Variants in NEK7 observed in about 807,000 individuals in gnomAD.
The protein encoded by NEK7 is NIMA related kinase 7, also known as serine/threonine-protein kinase Nek7.
Under a neutral mutation model 44.6 loss-of-function variants are expected in NEK7, and 18 were observed. That is an observed-to-expected ratio of 0.40 (90% confidence interval 0.28 to 0.60). NEK7 has a LOEUF of 0.60. Ranked by LOEUF, NEK7 falls within the 20% of genes least tolerant of loss-of-function variation. The pLI is 0.38. For synonymous variants in NEK7, 130 were observed against 121.1 expected (o/e 1.07, Z -0.48); for missense variants, 256 against 366.5 (o/e 0.70, Z 2.46).
intron 1 of NEK7, among the ~76,000 whole-genome samples, chr1:198,172,154 G>A (rs1336045677): frequency 6.6e-6 from 1 of 152,144 alleles, no homozygotes; most frequent in Non-Finnish European, 1.5e-5. Flanking sequence ...AAGATAAAGA[G>A]ACAGGAGTCT....
rs1487355247 is a variant in NEK7, at chr1:198,320,650, C to T, written c.*1128C>T. The T allele has an allele frequency of 6.6e-6, 1 of 151,904 alleles. No homozygotes were observed. Among genetic ancestry groups the T allele is most frequent in the Non-Finnish European group, 1.5e-5 (1 of 67,964 alleles). The allele number at this position is 151,904 out of a possible 1,614,324, so 9.4% of individuals were successfully genotyped here. ...TTTAAAATTTGGGCCACTCTGTATG[C>T]ATATGTTTGGTCTTGTTAAAGAGGA... On this transcript the variant is annotated 3_prime_UTR_variant, in exon 10 of 10. Coordinates refer to ENST00000367385, the MANE Select transcript of NEK7 (RefSeq NM_133494.3).
At chr1:198,159,636 C>G (rs1395968876) in intron 1 of NEK7, among the ~76,000 whole-genome samples, 1 of 152,184 alleles carries the variant, frequency 6.6e-6, no homozygotes, top group African/African-American at 2.4e-5. Context: ...ATAGTCTGAA[C>G]TAGTATTTAG....
chr1:198,217,623 A>G (rs1235655843), intron 1 of NEK7, among the ~76,000 whole-genome samples: 1 of 152,072 alleles, frequency 6.6e-6, no homozygotes, highest in Non-Finnish European at 1.5e-5. Flanking sequence ...AGGACATCCA[A>G]ATTGGAAAAG....
At chr1:198,161,278 T>G (rs2102695897) in intron 1 of NEK7, among the ~76,000 whole-genome samples, 1 of 152,354 alleles carries the variant, frequency 6.6e-6, no homozygotes, top group Non-Finnish European at 1.5e-5. Context: ...TGCTTTTTTA[T>G]AGAATAGTGA....
chr1:198,291,541 G>A (rs934487825), intron 7 of NEK7, among the ~76,000 whole-genome samples: 5 of 151,986 alleles, frequency 3.3e-5, no homozygotes, highest in Admixed American at 2.0e-4. Context: ...CAAAGTAAAT[G>A]CTACAATTAA....
intron 1 of NEK7, among the ~76,000 whole-genome samples, chr1:198,191,615 A>G (rs745378767): frequency 1.1e-4 from 17 of 152,026 alleles, no homozygotes; most frequent in Non-Finnish European, 1.9e-4. Context: ...ATGAACAGAT[A>G]TTTCTAATTT....
At chr1:198,283,438 G>A (rs1381617780) in intron 7 of NEK7, among the ~76,000 whole-genome samples, 1 of 152,038 alleles carries the variant, frequency 6.6e-6, no homozygotes, top group Non-Finnish European at 1.5e-5. Context: ...TGTTTACACT[G>A]CCTGTGGTCT....
intron 5 of NEK7, among the ~76,000 whole-genome samples, chr1:198,270,866 T>G (rs1653815475): frequency 6.6e-6 from 1 of 152,084 alleles, no homozygotes; most frequent in African/African-American, 2.4e-5. Context: ...GTGGGTTCTC[T>G]GCTGAAGGTC....
At chr1:198,266,295 A>G (rs535413885) in intron 5 of NEK7, among the ~76,000 whole-genome samples, 1 of 152,256 alleles carries the variant, frequency 6.6e-6, no homozygotes, top group East Asian at 1.9e-4. Flanking sequence ...AAGAGTATGC[A>G]CATTTTAAAT....
At chr1:198,251,367 G>T (rs940051702) in intron 2 of NEK7, among the ~76,000 whole-genome samples, 14 of 144,372 alleles carry the variant, frequency 9.7e-5, no homozygotes, top group Admixed American at 8.4e-4. Flanking sequence ...CCCGGCTTTG[G>T]TATCAGGATG....
chr1:198,158,439 A>T (rs1663984546), intron 1 of NEK7, among the ~76,000 whole-genome samples: 1 of 152,066 alleles, frequency 6.6e-6, no homozygotes, highest in Non-Finnish European at 1.5e-5. Flanking sequence ...GGCTATGCAC[A>T]CTCCCTCCAG....
chr1:198,262,721 G>GT (rs1653518902), intron 4 of NEK7, 84 bp downstream of exon 4: 2 of 762,554 alleles, frequency 2.6e-6, no homozygotes, highest in Non-Finnish European at 4.2e-6. Flanking sequence ...ACACAAAAAG[G>GT]TTTTTAAGAC....
intron 2 of NEK7, among the ~76,000 whole-genome samples, chr1:198,244,507 T>C (rs1472146700): frequency 2.0e-5 from 3 of 152,174 alleles, no homozygotes; most frequent in Non-Finnish European, 4.4e-5. Context: ...AGAAGGAATT[T>C]TATTTTCAAA....
intron 5 of NEK7, among the ~76,000 whole-genome samples, chr1:198,272,584 CCTT>C (rs1487928175): frequency 6.6e-6 from 1 of 151,706 alleles, no homozygotes; most frequent in Non-Finnish European, 1.5e-5. Context: ...ATCTTTGTGA[CCTT>C]CTATTTCTCC....
chr1:198,163,191 C>G (rs1171510925), intron 1 of NEK7, among the ~76,000 whole-genome samples: 1 of 151,960 alleles, frequency 6.6e-6, no homozygotes, highest in Non-Finnish European at 1.5e-5. Context: ...AACTGCTGGA[C>G]CATATAGTAA....
intron 2 of NEK7, among the ~76,000 whole-genome samples, chr1:198,236,155 A>G (rs994976212): frequency 7.9e-5 from 12 of 152,058 alleles, no homozygotes; most frequent in Admixed American, 3.9e-4. Context: ...TGAATTTTAG[A>G]CTTGATAACT....
At chr1:198,226,648 G>A (rs531053845) in intron 1 of NEK7, among the ~76,000 whole-genome samples, 1 of 151,878 alleles carries the variant, frequency 6.6e-6, no homozygotes, top group Non-Finnish European at 1.5e-5. Flanking sequence ...TTCATCCACA[G>A]TTCCTGCCTC....
chr1:198,188,676 ATAT>A (rs1664985917), intron 1 of NEK7, among the ~76,000 whole-genome samples: 1 of 152,200 alleles, frequency 6.6e-6, no homozygotes, highest in Admixed American at 6.5e-5. Context: ...CTCTCCTGAT[ATAT>A]TATTATCAAT....
At position 198,319,394 on chromosome 1, in the gene NEK7, G is replaced by A. The variant is rs1325191124; in HGVS notation, c.799-18G>A. On this transcript the variant is annotated intron_variant, in intron 9 of 9. Coordinates refer to ENST00000367385, the MANE Select transcript of NEK7 (RefSeq NM_133494.3). ...ATAGTTGTCTTAATCAGGTTTTATT[G>A]TTTTTCTTTCTTCACAGCTCCGACA... is the stretch of plus-strand genomic sequence containing the variant. The A allele has an allele frequency of 1.3e-6, 2 of 1,585,424 alleles. No homozygotes were observed. Among genetic ancestry groups the A allele is most frequent in the African/African-American group, 2.7e-5 (2 of 73,898 alleles).
Sources: gnomAD v4.1 joint callset for allele counts (sites outside exome capture counted in the v4.1 genomes callset) on GRCh38, gnomAD v4.1.1 for gene constraint, MANE v1.5 for transcripts, NCBI Gene and HGNC (gene_info 2026-07-23, HGNC 2026-07-21) for gene names.